MCU: variants seen among roughly 807,000 people sequenced by gnomAD.
The protein encoded by MCU is calcium uniporter protein, mitochondrial.
Under a neutral mutation model 45.2 loss-of-function variants are expected in MCU, and 12 were observed. The observed-to-expected ratio is 0.27, with a 90% CI of 0.17 to 0.43. The LOEUF (loss-of-function observed/expected upper bound fraction) is 0.43. MCU is among the 20% of genes least tolerant of loss of function. MCU has a pLI of 1.00. For missense variants in MCU, 324 were observed against 436.7 expected, an observed-to-expected ratio of 0.74 and a Z score of 2.30; for synonymous variants, 160 against 165.1, an observed-to-expected ratio of 0.97 and a Z score of 0.24.
intron 6 of MCU, 65 bp from the exon 7 acceptor site, chr10:72,884,201 G>T (rs1845746052): frequency 2.1e-6 from 2 of 948,254 alleles, no homozygotes; most frequent in Non-Finnish European, 3.4e-6. Context: ...CTAAGCAGCA[G>T]TTAGTAAATA....
chr10:72,877,839 T>C (rs113284737), intron 6 of MCU, among the ~76,000 whole-genome samples: 23 of 152,290 alleles, frequency 1.5e-4, no homozygotes, highest in Non-Finnish European at 2.8e-4. Context: ...TAATGATCAC[T>C]AAAGTAGGCG....
intron 1 of MCU, among the ~76,000 whole-genome samples, chr10:72,806,466 G>A (rs1409754259): frequency 6.6e-6 from 1 of 152,134 alleles, no homozygotes; most frequent in Admixed American, 6.6e-5. Context: ...GGCATGAAGA[G>A]CTTTAAAGAC....
chr10:72,756,040 A>G (rs12765210), intron 1 of MCU, among the ~76,000 whole-genome samples: 70,681 of 151,936 alleles, frequency 0.47, 20,460 homozygotes, highest in Non-Finnish European at 0.67. Context: ...TTGTAGAGAC[A>G]AGGTCTCGCT....
chr10:72,787,307 C>G (rs1178089114), intron 1 of MCU, among the ~76,000 whole-genome samples: 1 of 152,080 alleles, frequency 6.6e-6, no homozygotes, highest in Non-Finnish European at 1.5e-5. Flanking sequence ...CTCGCTCTGT[C>G]GCCCAGGCTG....
chr10:72,867,483 T>G (rs779711565), intron 4 of MCU, among the ~76,000 whole-genome samples: 10 of 152,168 alleles, frequency 6.6e-5, no homozygotes, highest in Admixed American at 1.3e-4. Flanking sequence ...CTGAGGCCCA[T>G]ACAGCTATTC....
At chr10:72,833,571 A>G (rs1844911113) in intron 1 of MCU, among the ~76,000 whole-genome samples, 1 of 152,180 alleles carries the variant, frequency 6.6e-6, no homozygotes, top group South Asian at 2.1e-4. Flanking sequence ...TGAAGCTGGT[A>G]TATTGGATTT....
intron 1 of MCU, among the ~76,000 whole-genome samples, chr10:72,738,813 C>T (rs529513149): frequency 2.6e-5 from 4 of 152,302 alleles, no homozygotes; most frequent in East Asian, 3.9e-4. Flanking sequence ...CTTTTTACAA[C>T]GGAGCCTTTT....
At chr10:72,790,864 C>T (rs1844148085) in intron 1 of MCU, among the ~76,000 whole-genome samples, 1 of 152,098 alleles carries the variant, frequency 6.6e-6, no homozygotes, top group Admixed American at 6.5e-5. Flanking sequence ...CATAATAGTG[C>T]TTTTCATTTT....
intron 1 of MCU, among the ~76,000 whole-genome samples, chr10:72,810,035 C>T (rs569995081): frequency 4.6e-5 from 7 of 151,432 alleles, no homozygotes; most frequent in African/African-American, 1.2e-4. Context: ...TATGTGTGTG[C>T]GCGTGAACAT....
intron 4 of MCU, among the ~76,000 whole-genome samples, chr10:72,867,202 A>G (rs921807350): frequency 6.6e-6 from 1 of 151,898 alleles, no homozygotes; most frequent in Non-Finnish European, 1.5e-5. Context: ...TGTTTGAAAT[A>G]TGTGGTTAAT....
intron 1 of MCU, among the ~76,000 whole-genome samples, chr10:72,721,457 C>T (rs1052180732): frequency 6.6e-6 from 1 of 152,150 alleles, no homozygotes; most frequent in African/African-American, 2.4e-5. Context: ...TTTGGCTCCC[C>T]GTCTGACTCC....
chr10:72,755,989 G>A (rs779848145), intron 1 of MCU, among the ~76,000 whole-genome samples: 1 of 151,948 alleles, frequency 6.6e-6, no homozygotes, highest in East Asian at 1.9e-4. Context: ...GACTACCGGT[G>A]TGCACCACCA....
At chr10:72,742,960 A>G (rs1843356162) in intron 1 of MCU, among the ~76,000 whole-genome samples, 1 of 151,994 alleles carries the variant, frequency 6.6e-6, no homozygotes, top group African/African-American at 2.4e-5. Context: ...AAGTTTTGGT[A>G]TCGAATGGAC....
At chr10:72,825,617 A>G (rs1844786649) in intron 1 of MCU, among the ~76,000 whole-genome samples, 1 of 136,398 alleles carries the variant, frequency 7.3e-6, no homozygotes, top group Non-Finnish European at 1.7e-5. Flanking sequence ...CATCTTCCAG[A>G]AGCCAAGTGG....
intron 1 of MCU, among the ~76,000 whole-genome samples, chr10:72,727,350 C>A (rs900663998): frequency 6.6e-6 from 1 of 152,226 alleles, no homozygotes; most frequent in Non-Finnish European, 1.5e-5. Context: ...CATTCATAAT[C>A]TTGCTCATCT....
intron 1 of MCU, among the ~76,000 whole-genome samples, chr10:72,819,375 GC>G (rs1336862038): frequency 2.0e-5 from 3 of 152,156 alleles, no homozygotes; most frequent in African/African-American, 7.2e-5. Context: ...ATTAATTGTT[GC>G]TACTTCTGTT....
At chr10:72,799,083 C>T (rs957776322) in intron 1 of MCU, among the ~76,000 whole-genome samples, 8 of 151,992 alleles carry the variant, frequency 5.3e-5, no homozygotes, top group Admixed American at 2.6e-4. Context: ...CCCGCCACCA[C>T]GCCCAGCTAA....
intron 1 of MCU, among the ~76,000 whole-genome samples, chr10:72,763,917 T>G (rs1320384051): frequency 1.3e-5 from 2 of 152,174 alleles, no homozygotes; most frequent in African/African-American, 4.8e-5. Context: ...CCCTTCACAC[T>G]CCCCTTCCAC....
chr10:72,790,637 T>G (rs934009271), intron 1 of MCU, among the ~76,000 whole-genome samples: 3 of 152,238 alleles, frequency 2.0e-5, no homozygotes, highest in African/African-American at 7.2e-5. Flanking sequence ...AATATCTGAT[T>G]GCTTGATTAA....
Sources: gnomAD v4.1 joint callset for allele counts (sites outside exome capture counted in the v4.1 genomes callset) on GRCh38, gnomAD v4.1.1 for gene constraint, MANE v1.5 for transcripts, NCBI Gene and HGNC (gene_info 2026-07-23, HGNC 2026-07-21) for gene names.